Variants in FRMPD4 observed in about 807,000 individuals in gnomAD.
FRMPD4 encodes FERM and PDZ domain-containing protein 4.
Under a neutral mutation model 94.1 loss-of-function variants are expected in FRMPD4, and 22 were observed. That is an observed-to-expected ratio of 0.23 (90% confidence interval 0.17 to 0.33). FRMPD4 has a LOEUF of 0.33. Ranked by LOEUF, FRMPD4 falls within the 10% of genes least tolerant of loss-of-function variation. The pLI is 1.00. For synonymous variants in FRMPD4, 631 were observed against 548.6 expected, an observed-to-expected ratio of 1.15 and a Z score of -2.10; for missense variants, 1,111 against 1,339.9, an observed-to-expected ratio of 0.83 and a Z score of 2.67.
intron 1 of FRMPD4, among the ~76,000 whole-genome samples, chrX:11,833,373 C>G (rs754218525): frequency 2.7e-5 from 3 of 111,984 alleles, no homozygotes; most frequent in Non-Finnish European, 5.6e-5. Context: ...AGTATGATTT[C>G]TGGATCATAT....
intron 2 of FRMPD4, among the ~76,000 whole-genome samples, chrX:12,584,892 G>C (rs191759506): frequency 2.8e-4 from 31 of 112,110 alleles, no homozygotes; most frequent in Non-Finnish European, 3.8e-4. Context: ...AAAGTATGTG[G>C]AGTGAATTGG....
chrX:12,307,744 CAAAG>C (rs1454335712), intron 1 of FRMPD4, among the ~76,000 whole-genome samples: 1 of 111,724 alleles, frequency 9.0e-6, no homozygotes, highest in African/African-American at 3.3e-5. Flanking sequence ...TAAAAATAAT[CAAAG>C]AAAGCTATTG....
chrX:12,124,938 C>T (rs1345601592), intron 3 of FRMPD4, among the ~76,000 whole-genome samples: 1 of 112,046 alleles, frequency 8.9e-6, no homozygotes, highest in East Asian at 2.8e-4. Flanking sequence ...GCCCACTGCT[C>T]ATTTAATGTC....
chrX:12,578,086 G>A (rs1368336754), intron 2 of FRMPD4, among the ~76,000 whole-genome samples: 2 of 112,261 alleles, frequency 1.8e-5, no homozygotes, highest in African/African-American at 6.5e-5. Context: ...TCTTATAAGG[G>A]CACTAATCTC....
chrX:12,467,163 G>C (rs1452581401), intron 1 of FRMPD4, among the ~76,000 whole-genome samples: 1 of 99,338 alleles, frequency 1.0e-5, no homozygotes, highest in Non-Finnish European at 2.0e-5. Context: ...GACTTCCAAG[G>C]CTTACCATTA....
intron 2 of FRMPD4, among the ~76,000 whole-genome samples, chrX:12,587,771 A>G (rs1412472383): frequency 9.0e-6 from 1 of 110,778 alleles, no homozygotes; most frequent in Non-Finnish European, 1.9e-5. Context: ...ATCATGTACA[A>G]TTTTTTGTTT....
intron 3 of FRMPD4, among the ~76,000 whole-genome samples, chrX:11,975,705 A>G (rs921400582): frequency 3.6e-5 from 4 of 111,599 alleles, no homozygotes; most frequent in African/African-American, 1.3e-4. Flanking sequence ...ATAGAGGGGA[A>G]AATTGAACTT....
At chrX:12,594,678 G>T (rs1451457765) in intron 2 of FRMPD4, among the ~76,000 whole-genome samples, 1 of 110,781 alleles carries the variant, frequency 9.0e-6, no homozygotes, top group Non-Finnish European at 1.9e-5. Flanking sequence ...CTCGTGATCT[G>T]CCCACCTCGG....
chrX:12,315,114 C>T (rs997725800), intron 1 of FRMPD4, among the ~76,000 whole-genome samples: 1 of 111,689 alleles, frequency 9.0e-6, no homozygotes, highest in Non-Finnish European at 1.9e-5. Flanking sequence ...TTTAGAAATT[C>T]GGTAGTTTCT....
chrX:12,023,204 A>T (rs2054640994), intron 3 of FRMPD4, among the ~76,000 whole-genome samples: 1 of 111,642 alleles, frequency 9.0e-6, no homozygotes, highest in South Asian at 3.8e-4. Context: ...GAAGACACTC[A>T]CCAGACTCCC....
chrX:12,519,101 T>A (rs1569311845), intron 2 of FRMPD4, among the ~76,000 whole-genome samples: 1 of 112,384 alleles, frequency 8.9e-6, no homozygotes, highest in Non-Finnish European at 1.9e-5. Flanking sequence ...GACTTAATAT[T>A]GTTAAATGTC....
At chrX:12,452,432 C>A (rs2057283568) in intron 1 of FRMPD4, among the ~76,000 whole-genome samples, 1 of 110,928 alleles carries the variant, frequency 9.0e-6, no homozygotes, top group Non-Finnish European at 1.9e-5. Context: ...ATGAGGAGAG[C>A]AAGGAAAAGT....
intron 1 of FRMPD4, among the ~76,000 whole-genome samples, chrX:12,359,844 T>C (rs5935311): frequency 0.23 from 24,908 of 110,596 alleles, 2,305 homozygotes; most frequent in Non-Finnish European, 0.29. Flanking sequence ...CTCACACTTA[T>C]GCAGTTGGTT....
chrX:12,433,779 C>T (rs1170544968), intron 1 of FRMPD4, among the ~76,000 whole-genome samples: 1 of 111,573 alleles, frequency 9.0e-6, no homozygotes, highest in Non-Finnish European at 1.9e-5. Flanking sequence ...CAGTTGCCAA[C>T]TAAGTGATAT....
intron 1 of FRMPD4, among the ~76,000 whole-genome samples, chrX:12,344,951 C>T (rs1054157781): frequency 1.8e-5 from 2 of 112,367 alleles, no homozygotes; most frequent in Admixed American, 9.4e-5. Flanking sequence ...CTCCTTCAAG[C>T]TTTTTGTTTG....
intron 3 of FRMPD4, among the ~76,000 whole-genome samples, chrX:12,034,433 C>T (rs1360001680): frequency 8.9e-6 from 1 of 112,063 alleles, no homozygotes; most frequent in Non-Finnish European, 1.9e-5. Context: ...TTCAGTGCTC[C>T]TTTTGCTTAT....
chrX:12,675,687 G>A (rs1414629476), intron 5 of FRMPD4, among the ~76,000 whole-genome samples: 2 of 111,390 alleles, frequency 1.8e-5, no homozygotes, highest in Non-Finnish European at 3.8e-5. Context: ...AATTTCATAC[G>A]TTGTCAGTTG....
chrX:12,524,363 C>A (rs2148276759), intron 2 of FRMPD4, among the ~76,000 whole-genome samples: 1 of 111,558 alleles, frequency 9.0e-6, no homozygotes, highest in East Asian at 2.8e-4. Context: ...TGAGTGACTT[C>A]ATTTTGGTTT....
chrX:12,296,958 G>A (rs187835862), intron 1 of FRMPD4, among the ~76,000 whole-genome samples: 1 of 112,385 alleles, frequency 8.9e-6, no homozygotes, highest in East Asian at 2.8e-4. Flanking sequence ...GGTAGTTCCT[G>A]TCCCTCCCCA....
Sources: allele counts gnomAD v4.1 joint callset (sites outside exome capture counted in the v4.1 genomes callset), GRCh38; gene constraint gnomAD v4.1.1; transcripts MANE v1.5; gene names NCBI Gene and HGNC (gene_info 2026-07-23, HGNC 2026-07-21).